Variants in DCAF17 observed in about 807,000 individuals in gnomAD.
DCAF17 encodes the protein DDB1- and CUL4-associated factor 17.
Under a neutral mutation model 66.0 loss-of-function variants are expected in DCAF17, and 48 were observed. That is an observed-to-expected ratio of 0.73 (90% CI 0.58 to 0.92). The LOEUF is 0.92. DCAF17 is among the 40% of genes least tolerant of loss of function. The pLI, the probability that DCAF17 is intolerant of heterozygous loss-of-function variation, is 0.00. For synonymous variants in DCAF17, 206 were observed against 214.6 expected (o/e 0.96, Z 0.35); for missense variants, 562 against 622.8 (o/e 0.90, Z 1.04).
At chr2:171,445,090 A>G (rs913224234) in intron 3 of DCAF17, among the ~76,000 whole-genome samples, 8 of 152,088 alleles carry the variant, frequency 5.3e-5, no homozygotes, top group Non-Finnish European at 8.8e-5. Flanking sequence ...ATACACTAGT[A>G]TAAAACACCA....
intron 5 of DCAF17, among the ~76,000 whole-genome samples, chr2:171,452,202 C>G (rs1184969889): frequency 1.3e-5 from 2 of 152,028 alleles, no homozygotes; most frequent in Non-Finnish European, 2.9e-5. Context: ...GTGTTTCCAG[C>G]CTTAAAAGTT....
At chr2:171,451,987 A>G (rs1042253608) in intron 5 of DCAF17, among the ~76,000 whole-genome samples, 1 of 152,172 alleles carries the variant, frequency 6.6e-6, no homozygotes, top group African/African-American at 2.4e-5. Context: ...CCAGCCAACA[A>G]GTAGTAGCTC....
chr2:171,478,504 G>A (rs1696602729), intron 12 of DCAF17, among the ~76,000 whole-genome samples: 1 of 152,162 alleles, frequency 6.6e-6, no homozygotes, highest in Non-Finnish European at 1.5e-5. Flanking sequence ...GGATGTGAGG[G>A]CATGATAAAT....
chr2:171,436,338 G>T (rs796230923), intron 2 of DCAF17, among the ~76,000 whole-genome samples: 24 of 152,238 alleles, frequency 1.6e-4, no homozygotes, highest in East Asian at 1.4e-3. Flanking sequence ...TTATACCTAG[G>T]AATGGAATTG....
At chr2:171,465,927 A>G (rs750394711) in intron 8 of DCAF17, among the ~76,000 whole-genome samples, 1 of 152,212 alleles carries the variant, frequency 6.6e-6, no homozygotes, top group Non-Finnish European at 1.5e-5. Context: ...TTATGTTTGC[A>G]TACTTTAAAT....
chr2:171,458,919 C>T (rs1387219973), intron 8 of DCAF17, among the ~76,000 whole-genome samples: 2 of 152,128 alleles, frequency 1.3e-5, no homozygotes, highest in Non-Finnish European at 2.9e-5. Context: ...TCCCAGTATA[C>T]TTAAAGAGTG....
intron 6 of DCAF17, among the ~76,000 whole-genome samples, chr2:171,454,075 C>A (rs766502544): frequency 1.3e-4 from 19 of 151,860 alleles, no homozygotes; most frequent in Admixed American, 1.2e-3. Context: ...AAGGCTGAGG[C>A]AGGAGAATGG....
intron 3 of DCAF17, among the ~76,000 whole-genome samples, chr2:171,443,879 T>G (rs1440468014): frequency 6.6e-6 from 1 of 152,168 alleles, no homozygotes; most frequent in Non-Finnish European, 1.5e-5. Flanking sequence ...GATTAAAAGT[T>G]ATATAAGCAG....
intron 8 of DCAF17, among the ~76,000 whole-genome samples, chr2:171,459,568 A>G (rs1194180427): frequency 1.3e-5 from 2 of 152,302 alleles, no homozygotes; most frequent in East Asian, 3.9e-4. Flanking sequence ...TTTATAACCA[A>G]CCAATAAGCA....
chr2:171,442,456 C>G (rs1694357864), intron 2 of DCAF17, among the ~76,000 whole-genome samples: 1 of 150,044 alleles, frequency 6.7e-6, no homozygotes. Flanking sequence ...CCCAGCTACT[C>G]AGGAGGCTGA....
Position 171,483,458 on chromosome 2 carries a change from C to G in DCAF17, c.*2344C>G, listed in dbSNP as rs1364770727. ...ACTCCTGGATCTAAGTTTCTGCATT[C>G]TCAGAGCATCAATGCAGCAAGCTTA... On this transcript the variant is annotated 3_prime_UTR_variant, in exon 14 of 14. Transcript: ENST00000375255. 2 of 454,118 alleles carry G rather than the reference C, an allele frequency of 4.4e-6. No individual in the cohort carries two copies. The highest frequency in any genetic ancestry group is 4.4e-6 in the Non-Finnish European group (1 of 226,794). The allele number at this position is 454,118 out of a possible 1,614,324, so 28.1% of individuals were successfully genotyped here.
In DCAF17 at chr2:171,483,582, G is replaced by A. The variant is rs1214396422; in HGVS notation, c.*2468G>A. On this transcript the variant is annotated 3_prime_UTR_variant, in exon 14 of 14. Transcript: ENST00000375255. Reference sequence around the variant, plus strand: ...TTGTGCTACCTAGTGAGGAGATACCGCTCTGTTTAGACAAATTAAGGCACT... The same window carrying A: ...TTGTGCTACCTAGTGAGGAGATACCACTCTGTTTAGACAAATTAAGGCACT... 5 of 454,046 alleles carry A rather than the reference G, an allele frequency of 1.1e-5. No individual in the cohort carries two copies. The highest frequency in any genetic ancestry group is 3.1e-5 in the South Asian group (2 of 64,466). The allele number at this position is 454,046 out of a possible 1,614,324, so 28.1% of individuals were successfully genotyped here.
At chr2:171,463,485 A>G (rs1316533574) in intron 8 of DCAF17, among the ~76,000 whole-genome samples, 2 of 152,152 alleles carry the variant, frequency 1.3e-5, no homozygotes, top group Non-Finnish European at 2.9e-5. Context: ...ATACAGATCA[A>G]AGGAAGACTT....
chr2:171,450,094 G>T, intron 5 of DCAF17, 137 bp downstream of exon 5: 1 of 710,008 alleles, frequency 1.4e-6, no homozygotes, highest in Non-Finnish European at 2.5e-6. Context: ...AACCTGGATG[G>T]GATCGGAGAC....
chr2:171,455,043 G>A (rs1695174188), intron 6 of DCAF17, among the ~76,000 whole-genome samples: 1 of 151,436 alleles, frequency 6.6e-6, no homozygotes, highest in East Asian at 1.9e-4. Context: ...ATAAACATGT[G>A]TCATGGGGGT....
intron 2 of DCAF17, among the ~76,000 whole-genome samples, chr2:171,436,951 T>A (rs1038280728): frequency 6.6e-6 from 1 of 152,042 alleles, no homozygotes; most frequent in South Asian, 2.1e-4. Context: ...ATTTTGTATT[T>A]TTGGTAGAGA....
intron 8 of DCAF17, among the ~76,000 whole-genome samples, chr2:171,460,348 AAAAC>A (rs1695511586): frequency 1.3e-5 from 2 of 151,206 alleles, no homozygotes; most frequent in African/African-American, 4.9e-5. Context: ...AAAAGTGAGT[AAAAC>A]AAAAGAACAA....
intron 10 of DCAF17, among the ~76,000 whole-genome samples, chr2:171,476,213 A>C (rs890616472): frequency 2.6e-5 from 4 of 152,110 alleles, no homozygotes; most frequent in African/African-American, 9.7e-5. Flanking sequence ...CTTGTTAACA[A>C]TGTAAACAGA....
At chr2:171,459,583 A>G (rs1695458518) in intron 8 of DCAF17, among the ~76,000 whole-genome samples, 1 of 152,210 alleles carries the variant, frequency 6.6e-6, no homozygotes, top group South Asian at 2.1e-4. Flanking sequence ...TAAGCATTAT[A>G]TTTTTAGGTG....
Sources: allele counts gnomAD v4.1 joint callset (sites outside exome capture counted in the v4.1 genomes callset), GRCh38; gene constraint gnomAD v4.1.1; transcripts MANE v1.5; gene names NCBI Gene and HGNC (gene_info 2026-07-23, HGNC 2026-07-21).